Variants in IL31RA observed in about 807,000 individuals in gnomAD.
IL31RA encodes interleukin 31 receptor A.
A neutral mutation model predicts 83.7 loss-of-function variants in IL31RA; 66 were observed. The ratio of observed to expected loss-of-function variants is 0.79; its 90% CI spans 0.65 to 0.97. The LOEUF (loss-of-function observed/expected upper bound fraction) is 0.97, where lower values mean the gene tolerates loss of function less well. IL31RA is among the 50% of genes least tolerant of loss of function. The pLI is 0.00. For missense variants in IL31RA, 798 were observed against 919.4 expected (o/e 0.87, Z 1.71); for synonymous variants, 325 against 329.0 (o/e 0.99, Z 0.13).
At chr5:55,867,767 A>G (rs949700256) in intron 2 of IL31RA, among the ~76,000 whole-genome samples, 1 of 152,292 alleles carries the variant, frequency 6.6e-6, no homozygotes, top group East Asian at 1.9e-4. Context: ...CACTTCCTAC[A>G]TGGCTGCAGC....
intron 1 of IL31RA, among the ~76,000 whole-genome samples, chr5:55,857,120 A>G (rs1205123874): frequency 1.3e-5 from 2 of 149,456 alleles, no homozygotes; most frequent in Admixed American, 6.7e-5. Context: ...CTTTTTTGAG[A>G]CAGCATCTGG....
At chr5:55,840,499 G>A in the IL31RA span, among the ~76,000 whole-genome samples, 11 of 152,148 alleles carry the variant, frequency 7.2e-5, no homozygotes, top group East Asian at 5.8e-4. Flanking sequence ...AGACAAAATC[G>A]CTGCCTTTGT....
intron 12 of IL31RA, among the ~76,000 whole-genome samples, chr5:55,912,365 C>T (rs928693600): frequency 6.6e-6 from 1 of 152,218 alleles, no homozygotes; most frequent in Admixed American, 6.5e-5. Flanking sequence ...TATTTATCTT[C>T]CTTACCTTGT....
At position 55,921,203 on chromosome 5, in the gene IL31RA, C is replaced by T. The variant is rs530151265; in HGVS notation, c.*4083C>T. On this transcript the variant is annotated 3_prime_UTR_variant, in exon 15 of 15. Transcript: ENST00000652347. ...AAATTCAACTTTACAGCAGTAATCC[C>T]AAGAGTTTTAAATAGCAATTATTTG... 3.3e-5 allele frequency among the ~76,000 whole-genome samples: 5 copies of T among 152,244 alleles called. No homozygotes were observed. The South Asian group carries it at 1.0e-3, about 32-fold the overall frequency.
Position 55,921,185 on chromosome 5 carries a change from A to G in IL31RA, c.*4065A>G, listed in dbSNP as rs1396752750. 1.3e-5 allele frequency among the ~76,000 whole-genome samples: 2 copies of G among 152,198 alleles called. No individual in the cohort carries two copies. Among genetic ancestry groups the G allele is most frequent in the African/African-American group, 4.8e-5 (2 of 41,446 alleles). ...TAATTTAAAATTTGTTTTAAATTCA[A>G]CTTTACAGCAGTAATCCCAAGAGTT... On this transcript the variant is annotated 3_prime_UTR_variant, in exon 15 of 15. Coordinates refer to ENST00000652347, the MANE Select transcript of IL31RA (RefSeq NM_139017.7).
At chr5:55,888,370 A>G (rs1412961785) in intron 5 of IL31RA, among the ~76,000 whole-genome samples, 3 of 152,302 alleles carry the variant, frequency 2.0e-5, no homozygotes, top group African/African-American at 7.2e-5. Context: ...CAGCCGTTTC[A>G]TCTTCTCTGA....
At chr5:55,841,354 A>G in the IL31RA span, among the ~76,000 whole-genome samples, 3 of 152,224 alleles carry the variant, frequency 2.0e-5, no homozygotes, top group Non-Finnish European at 2.9e-5. Context: ...ATGTTTTCTT[A>G]AAACTAAGTT....
chr5:55,913,993 C>T (rs759278106), intron 13 of IL31RA, among the ~76,000 whole-genome samples: 20 of 152,342 alleles, frequency 1.3e-4, no homozygotes, highest in Non-Finnish European at 2.4e-4. Context: ...GAGTGCTGGC[C>T]AGTCGTCTGT....
At chr5:55,883,343 CA>C in intron 5 of IL31RA, 148 bp downstream of exon 5, 1 of 812,816 alleles carries the variant, frequency 1.2e-6, no homozygotes, top group Non-Finnish European at 2.0e-6. Context: ...TCCAGTTTTC[CA>C]TTTTTCCATC....
intron 5 of IL31RA, among the ~76,000 whole-genome samples, chr5:55,885,563 C>A (rs996378803): frequency 6.6e-6 from 1 of 152,288 alleles, no homozygotes; most frequent in East Asian, 1.9e-4. Flanking sequence ...AGTGCACAGG[C>A]GGGTCCCCAG....
intron 3 of IL31RA, among the ~76,000 whole-genome samples, chr5:55,870,673 G>A (rs1746455468): frequency 6.6e-6 from 1 of 152,094 alleles, no homozygotes; most frequent in Admixed American, 6.6e-5. Context: ...AGGCCAGCTA[G>A]GCTGTCTAGA....
rs1750135119 is a variant in IL31RA, at chr5:55,922,371, C to T, written c.*5251C>T. 3 of 1,547,144 alleles carry T rather than the reference C, an allele frequency of 1.9e-6. No homozygotes were observed. The highest frequency in any genetic ancestry group is 2.6e-6 in the Non-Finnish European group (3 of 1,143,450). On this transcript the variant is annotated 3_prime_UTR_variant, in exon 15 of 15. Coordinates refer to ENST00000652347, the MANE Select transcript of IL31RA (RefSeq NM_139017.7). ...GTGGCTGTTCAAGGGAAGTGAGATACTTGTACTATGCATTTCATTTTTAGG... is the reference window on the plus strand; with the variant it reads ...GTGGCTGTTCAAGGGAAGTGAGATATTTGTACTATGCATTTCATTTTTAGG...
In IL31RA at chr5:55,920,713, T is replaced by A. The variant is rs1427014263; in HGVS notation, c.*3593T>A. ...GAATTAGCTGCAAATTAAAAAGAAA[T>A]CAGGATATGTCATTCTGAATTTCTG... is the stretch of plus-strand genomic sequence containing the variant. On this transcript the variant is annotated 3_prime_UTR_variant, in exon 15 of 15. Coordinates refer to ENST00000652347, the MANE Select transcript of IL31RA (RefSeq NM_139017.7). Among the ~76,000 whole-genome samples the A allele has an allele frequency of 1.3e-5, 2 of 152,188 alleles. No homozygotes were observed. Among genetic ancestry groups the A allele is most frequent in the East Asian group, 3.9e-4 (2 of 5,192 alleles).
At chr5:55,882,284 T>TA (rs148446636) in intron 4 of IL31RA, among the ~76,000 whole-genome samples, 1 of 152,350 alleles carries the variant, frequency 6.6e-6, no homozygotes, top group African/African-American at 2.4e-5. Flanking sequence ...TGTTCATTCA[T>TA]AAAGTAGAAT....
intron 8 of IL31RA, chr5:55,902,180 C>T (rs1748862874): frequency 6.6e-6 from 1 of 152,100 alleles, no homozygotes; most frequent in African/African-American, 2.4e-5. Context: ...CATATTTGCT[C>T]ACATATTATT....
rs759694800 is a variant in IL31RA, at chr5:55,900,041, A to G, written c.978A>G (p.Gly326=). Reference sequence around the variant, plus strand: ...ACCAGCAGCTTGAACTGCATCTGGGAGGCGAGAGCTTTTGGGTGTCTATGA... The same window carrying G: ...ACCAGCAGCTTGAACTGCATCTGGGGGGCGAGAGCTTTTGGGTGTCTATGA... ...TTNQQLELHL[G]GESFWVSMIS... Residue 326 remains glycine, a synonymous_variant, in exon 8 of 15, where the codon GGA becomes GGG. Coordinates refer to ENST00000652347, the MANE Select transcript of IL31RA (RefSeq NM_139017.7). 6.2e-7 allele frequency: 1 copy of G among 1,614,158 alleles called. No homozygotes were observed. The highest frequency in any genetic ancestry group is 1.1e-5 in the South Asian group (1 of 91,086).
At chr5:55,913,293 T>C (rs1401162814) in intron 12 of IL31RA, among the ~76,000 whole-genome samples, 184 bp from the exon 13 acceptor site, 1 of 152,076 alleles carries the variant, frequency 6.6e-6, no homozygotes, top group African/African-American at 2.4e-5. Context: ...GGTTTCACTA[T>C]GTTGGCCAGG....
chr5:55,880,318 A>C (rs1747124874), intron 4 of IL31RA, among the ~76,000 whole-genome samples: 1 of 152,186 alleles, frequency 6.6e-6, no homozygotes. Context: ...AATGTTTTAA[A>C]GTCCATGTCT....
intron 4 of IL31RA, among the ~76,000 whole-genome samples, chr5:55,882,716 G>A (rs1370964180): frequency 1.3e-5 from 2 of 152,132 alleles, no homozygotes; most frequent in African/African-American, 4.8e-5. Context: ...GCCTAGGGGA[G>A]GTGAGAGTAA....
Sources: allele counts gnomAD v4.1 joint callset (sites outside exome capture counted in the v4.1 genomes callset), GRCh38; gene constraint gnomAD v4.1.1; transcripts MANE v1.5; gene names NCBI Gene and HGNC (gene_info 2026-07-23, HGNC 2026-07-21).